Variants in CCER1 observed in about 807,000 individuals in gnomAD.
CCER1 encodes coiled-coil domain-containing glutamate-rich protein 1.
For synonymous variants in CCER1, 246 were observed against 213.8 expected (o/e 1.15, Z -1.31); for missense variants, 573 against 524.5 (o/e 1.09, Z -0.90).
rs374385699 is a variant in CCER1, at chr12:90,954,234, G to T, written c.509C>A (p.Pro170Gln). ...CCACTCATACAGCTTGACCGGCCGC[G>T]GCAGCGTGCTCACATCCGCTGGCGG... Reference protein sequence around the residue: ...RSPPADVSTLPRPVKLYEWRE... With the variant: ...RSPPADVSTLQRPVKLYEWRE... The change falls in exon 1 of 1, where the codon CCG becomes CAG. Residue 170 changes from proline (P) to glutamine (Q), a missense_variant. Coordinates refer to ENST00000358859, the MANE Select transcript of CCER1 (RefSeq NM_152638.4). 1.9e-6 allele frequency: 3 copies of T among 1,606,470 alleles called. No homozygotes were observed. The African/African-American group carries it at 4.0e-5, about 21-fold the overall frequency.
chr12:90,954,454 G>T lies in CCER1; in HGVS notation c.289C>A (p.Pro97Thr). Residue 97 changes from proline to threonine, a missense_variant, in exon 1 of 1, where the codon CCA becomes ACA. Physicochemically the swap from Pro to Thr is conservative, Grantham distance 38. Transcript: ENST00000358859. ...GGGCAGGGGAATTTCCAGAATCCTGGAGGGGGTGGGCGCCAGGGCCCTCCC... is the reference window on the plus strand; with the variant it reads ...GGGCAGGGGAATTTCCAGAATCCTGTAGGGGGTGGGCGCCAGGGCCCTCCC... ...CWGGPWRPPPPGFWKFPCPVQ... is the reference protein window; with the variant it reads ...CWGGPWRPPPTGFWKFPCPVQ... 6.2e-7 allele frequency: 1 copy of T among 1,610,280 alleles called. No individual in the cohort carries two copies. Among genetic ancestry groups the T allele is most frequent in the South Asian group, 1.1e-5 (1 of 90,904 alleles).
chr12:90,954,371 G>A lies in CCER1; in HGVS notation c.372C>T (p.Cys124=). Residue 124 remains cysteine (C), a synonymous_variant, in exon 1 of 1, where the codon TGC becomes TGT. Coordinates refer to ENST00000358859, the MANE Select transcript of CCER1 (RefSeq NM_152638.4). ...AGCCAGGGTTCCAGGACCCGCTCCAGCAGGAGCAGCAGCAAAAGCAGAGAG... is the reference window on the plus strand; with the variant it reads ...AGCCAGGGTTCCAGGACCCGCTCCAACAGGAGCAGCAGCAAAAGCAGAGAG... ...LHPLCFCCCS[C]WSGSWNPGWV... 1 of 1,610,986 alleles carries A rather than the reference G, an allele frequency of 6.2e-7. No individual in the cohort carries two copies. Among genetic ancestry groups the A allele is most frequent in the Non-Finnish European group, 8.5e-7 (1 of 1,179,934 alleles).
At position 90,952,314 on chromosome 12, in the gene CCER1, T is replaced by G. The variant is rs1747835205; in HGVS notation, c.*1208A>C. Reference sequence around the variant, plus strand: ...CATTCAGGTAAGACATCACCACACATTCTTCTCTTCAACAAATAAATGCTA... The same window carrying G: ...CATTCAGGTAAGACATCACCACACAGTCTTCTCTTCAACAAATAAATGCTA... On this transcript the variant is annotated 3_prime_UTR_variant, in exon 1 of 1. Transcript: ENST00000358859. 6.6e-6 allele frequency: 1 copy of G among 152,634 alleles called. No homozygotes were observed. The allele number at this position is 152,634 out of a possible 1,614,324, so 9.5% of individuals were successfully genotyped here. A position where few individuals can be genotyped will look rare whatever the true frequency, so the allele number is the denominator to read the frequency against.
rs1335757339 is a variant in CCER1 at position 90,953,560 on chromosome 12, G to T, written c.1183C>A (p.Gln395Lys). The change falls in exon 1 of 1, where the codon CAG becomes AAG. Residue 395 changes from glutamine to lysine, a missense_variant. Transcript: ENST00000358859. ...NPEQIIPKVP[Q>K]ESLFMAQDFN... The stretch of plus-strand genomic sequence containing the variant: ...TCCTGTGCCATGAACAGGGATTCCT[G>T]TGGCACTTTGGGAATTATCTGCTCT... The T allele has an allele frequency of 1.9e-6, 3 of 1,614,004 alleles. No individual in the cohort carries two copies. Among genetic ancestry groups the T allele is most frequent in the Non-Finnish European group, 2.5e-6 (3 of 1,179,964 alleles).
rs1484068156 is a variant in CCER1, at chr12:90,953,991, T to A, written c.752A>T (p.Tyr251Phe). Residue 251 changes from tyrosine (Y) to phenylalanine (F), a missense_variant, in exon 1 of 1, where the codon TAT becomes TTT. Physicochemically the swap from Tyr to Phe is conservative, Grantham distance 22. Transcript: ENST00000358859. ...TAGAGAGGGATTCTGCACAAAGCCATACAGAGTTTCCTGCAGTCCCCAGGT... is the reference window on the plus strand; with the variant it reads ...TAGAGAGGGATTCTGCACAAAGCCAAACAGAGTTTCCTGCAGTCCCCAGGT... Reference protein sequence around the residue: ...KETWGLQETLYGFVQNPSLAF... With the variant: ...KETWGLQETLFGFVQNPSLAF... 3 of 1,614,202 alleles carry A rather than the reference T, an allele frequency of 1.9e-6. No individual in the cohort carries two copies. The highest frequency in any genetic ancestry group is 2.5e-6 in the Non-Finnish European group (3 of 1,180,038).
Position 90,954,898 on chromosome 12 carries a change from G to A in CCER1, c.-156C>T, listed in dbSNP as rs143256938. ...GGGATCACGTTTTCCTCTCCAGGAG[G>A]CTGCTCTCTTCCTGGTTTGCACGCT... On this transcript the variant is annotated 5_prime_UTR_variant, in exon 1 of 1. Transcript: ENST00000358859. 1 of 1,396,386 alleles carries A rather than the reference G, an allele frequency of 7.2e-7. No individual in the cohort carries two copies. Among genetic ancestry groups the A allele is most frequent in the Non-Finnish European group, 9.5e-7 (1 of 1,051,502 alleles). 86.5% of individuals were successfully genotyped at this position (1,396,386 alleles called of 1,614,324 possible). A position where few individuals can be genotyped will look rare whatever the true frequency, so the allele number is the denominator to read the frequency against.
In CCER1 at chr12:90,954,104, C is replaced by G. The variant is rs78693339; in HGVS notation, c.639G>C (p.Ala213=). The change falls in exon 1 of 1, where the codon GCG becomes GCC. Residue 213 remains alanine (A), a synonymous_variant. Transcript: ENST00000358859. ...QQEKVERQQE[A]LRAQKATVSG... ...TCACCGTGGCCTTCTGCGCCCGCAG[C>G]GCCTCCTGCTGACGCTCCACCTTCT... 3.7e-6 allele frequency: 6 copies of G among 1,612,976 alleles called. No homozygotes were observed. Among genetic ancestry groups the G allele is most frequent in the East Asian group, 2.2e-5 (1 of 44,866 alleles).
In CCER1 at chr12:90,953,598, G is replaced by C. The variant is rs774451656; in HGVS notation, c.1145C>G (p.Thr382Ser). 1 of 1,614,154 alleles carries C rather than the reference G, an allele frequency of 6.2e-7. No individual in the cohort carries two copies. The highest frequency in any genetic ancestry group is 8.5e-7 in the Non-Finnish European group (1 of 1,180,022). ...EEKRENFISCTFLNPEQIIPK... is the reference protein window; with the variant it reads ...EEKRENFISCSFLNPEQIIPK... ...AATTATCTGCTCTGGGTTTAAAAAA[G>C]TGCAGCTTATAAAGTTCTCTCTCTT... The change falls in exon 1 of 1, where the codon ACT (threonine) becomes AGT (serine). Residue 382 changes from threonine to serine, a missense_variant. By Grantham distance (58) the Thr-to-Ser change is moderately conservative. Coordinates refer to ENST00000358859, the MANE Select transcript of CCER1 (RefSeq NM_152638.4).
Position 90,954,689 on chromosome 12 carries a change from G to GCCA in CCER1, c.51_53dup (p.Gly21dup). 1.3e-6 allele frequency: 2 copies of GCCA among 1,575,502 alleles called. No individual in the cohort carries two copies. The highest frequency in any genetic ancestry group is 8.6e-7 in the Non-Finnish European group (1 of 1,161,150). ...CCCAGCCACAGCCACAGCCGCCGCCGCCACCGCCGCCCAGGTTCAGAGGGT... is the reference window on the plus strand; with the variant it reads ...CCCAGCCACAGCCACAGCCGCCGCCGCCACCACCGCCGCCCAGGTTCAGAGGGT... On this transcript the variant is annotated inframe_insertion, in exon 1 of 1. Coordinates refer to ENST00000358859, the MANE Select transcript of CCER1 (RefSeq NM_152638.4).
rs1202021033 is a variant in CCER1 at position 90,953,600 on chromosome 12, G to A, written c.1143C>T (p.Cys381=). The change falls in exon 1 of 1, where the codon TGC becomes TGT. Residue 381 remains cysteine, a synonymous_variant. Coordinates refer to ENST00000358859, the MANE Select transcript of CCER1 (RefSeq NM_152638.4). ...AEEKRENFIS[C]TFLNPEQIIP... ...TTATCTGCTCTGGGTTTAAAAAAGT[G>A]CAGCTTATAAAGTTCTCTCTCTTTT... 16 of 1,614,128 alleles carry A rather than the reference G, an allele frequency of 9.9e-6. No homozygotes were observed. Among genetic ancestry groups the A allele is most frequent in the Non-Finnish European group, 1.4e-5 (16 of 1,180,026 alleles).
chr12:90,954,412 C>T lies in CCER1; in HGVS notation c.331G>A (p.Val111Met). ...AAGCAGAGAGGGTGCAGGCCATACA[C>T]CCGAAACACTTGCACCGGGCAGGGG... ...KFPCPVQVFRVYGLHPLCFCC... is the reference protein window; with the variant it reads ...KFPCPVQVFRMYGLHPLCFCC... Residue 111 changes from valine to methionine, a missense_variant, in exon 1 of 1, where the codon GTG (valine) becomes ATG (methionine). By Grantham distance (21) the Val-to-Met change is conservative. Transcript: ENST00000358859. 2 of 1,612,342 alleles carry T rather than the reference C, an allele frequency of 1.2e-6. No individual in the cohort carries two copies. The highest frequency in any genetic ancestry group is 1.7e-6 in the Non-Finnish European group (2 of 1,179,642).
rs541896912 is a variant in CCER1 at position 90,954,710 on chromosome 12, A to G, written c.33T>C (p.Pro11=). The change falls in exon 1 of 1, where the codon CCT becomes CCC. Residue 11 remains proline (P), a synonymous_variant. Transcript: ENST00000358859. Reference sequence around the variant, plus strand: ...CGCCGCCACCGCCGCCCAGGTTCAGAGGGTCTTCCCTTGTGTCGAGGGTCT... The same window carrying G: ...CGCCGCCACCGCCGCCCAGGTTCAGGGGGTCTTCCCTTGTGTCGAGGGTCT... MTQTLDTRED[P]LNLGGGGGGG... The G allele has an allele frequency of 4.1e-5, 64 of 1,561,010 alleles. 1 individual carries two copies. In the South Asian group the frequency reaches 5.4e-4, roughly 13 times the overall value.
rs200693488 is a variant in CCER1 at position 90,954,515 on chromosome 12, C to A, written c.228G>T (p.Trp76Cys). 6.2e-6 allele frequency: 10 copies of A among 1,611,432 alleles called. No homozygotes were observed. The East Asian group carries it at 2.2e-4, about 36-fold the overall frequency. The change falls in exon 1 of 1, where the codon TGG (tryptophan) becomes TGT (cysteine). Residue 76 changes from tryptophan (W) to cysteine (C), a missense_variant. Trp to Cys is a radical substitution (Grantham distance 215). Coordinates refer to ENST00000358859, the MANE Select transcript of CCER1 (RefSeq NM_152638.4). ...AGTTAGAGCACACGGGTGGTTGGAACCAAAAGCCCGGGCCGTGCTGTTGCT... is the reference window on the plus strand; with the variant it reads ...AGTTAGAGCACACGGGTGGTTGGAAACAAAAGCCCGGGCCGTGCTGTTGCT... The part of the protein sequence containing the change: ...QPKQQHGPGF[W>C]FQPPVCSNWG...
chr12:90,954,389 G>A lies in CCER1; in HGVS notation c.354C>T (p.Cys118=). 6.2e-7 allele frequency: 1 copy of A among 1,612,122 alleles called. No homozygotes were observed. Among genetic ancestry groups the A allele is most frequent in the Non-Finnish European group, 8.5e-7 (1 of 1,179,954 alleles). Reference sequence around the variant, plus strand: ...CGCTCCAGCAGGAGCAGCAGCAAAAGCAGAGAGGGTGCAGGCCATACACCC... The same window carrying A: ...CGCTCCAGCAGGAGCAGCAGCAAAAACAGAGAGGGTGCAGGCCATACACCC... ...VFRVYGLHPL[C]FCCCSCWSGS... The change falls in exon 1 of 1, where the codon TGC becomes TGT. Residue 118 remains cysteine, a synonymous_variant. Coordinates refer to ENST00000358859, the MANE Select transcript of CCER1 (RefSeq NM_152638.4).
Position 90,954,683 on chromosome 12 carries a change from G to A in CCER1, c.60C>T (p.Gly20=). The change falls in exon 1 of 1, where the codon GGC becomes GGT. Residue 20 remains glycine (G), a synonymous_variant. Coordinates refer to ENST00000358859, the MANE Select transcript of CCER1 (RefSeq NM_152638.4). ...AGTGTGCCCAGCCACAGCCACAGCC[G>A]CCGCCGCCACCGCCGCCCAGGTTCA... ...DPLNLGGGGG[G]GCGCGWAHSA... 4 of 1,587,118 alleles carry A rather than the reference G, an allele frequency of 2.5e-6. No homozygotes were observed. The highest frequency in any genetic ancestry group is 3.6e-5 in the Admixed American group (2 of 56,268).
Position 90,954,273 on chromosome 12 carries a change from G to A in CCER1, c.470C>T (p.Ser157Phe), listed in dbSNP as rs1304055911. 1.2e-6 allele frequency: 2 copies of A among 1,602,286 alleles called. No individual in the cohort carries two copies. The highest frequency in any genetic ancestry group is 1.7e-6 in the Non-Finnish European group (2 of 1,178,522). ...ATCCGCTGGCGGGCTCCGCGGGTAG[G>A]AGTGGCGAGGGTGGTGGCGCAGGCC... ...GRGLRHHPRH[S>F]YPRSPPADVS... The change falls in exon 1 of 1, where the codon TCC becomes TTC. Residue 157 changes from serine (S) to phenylalanine (F), a missense_variant. Physicochemically the swap from Ser to Phe is radical, Grantham distance 155. Transcript: ENST00000358859.
In CCER1 at chr12:90,954,559, G is replaced by T; in HGVS notation, c.184C>A (p.Pro62Thr). 1 of 1,613,890 alleles carries T rather than the reference G, an allele frequency of 6.2e-7. No homozygotes were observed. Among genetic ancestry groups the T allele is most frequent in the Non-Finnish European group, 8.5e-7 (1 of 1,179,870 alleles). ...HRYSPKTEYG[P>T]PRKQPKQQHG... ...TGTTGCTTCGGCTGCTTCCTTGGGG[G>T]CCCATACTCGGTCTTGGGGCTATAT... The change falls in exon 1 of 1, where the codon CCC becomes ACC. Residue 62 changes from proline (P) to threonine (T), a missense_variant. Pro to Thr is a conservative substitution (Grantham distance 38). Coordinates refer to ENST00000358859, the MANE Select transcript of CCER1 (RefSeq NM_152638.4).
chr12:90,953,184 C>CA lies in CCER1; in HGVS notation c.*337dup, dbSNP rs760389115. Reference sequence around the variant, plus strand: ...GTGGCCAAGTTGTATAAATTTGTTTCAAAAACAAACGCTTTTTCAGCATTG... The same window carrying CA: ...GTGGCCAAGTTGTATAAATTTGTTTCAAAAAACAAACGCTTTTTCAGCATTG... On this transcript the variant is annotated 3_prime_UTR_variant, in exon 1 of 1. Coordinates refer to ENST00000358859, the MANE Select transcript of CCER1 (RefSeq NM_152638.4). 6 of 225,194 alleles carry CA rather than the reference C, an allele frequency of 2.7e-5. No individual in the cohort carries two copies. The East Asian group carries it at 6.2e-4, about 23-fold the overall frequency. The allele number at this position is 225,194 out of a possible 1,614,324, so 13.9% of individuals were successfully genotyped here.
rs1219326034 is a variant in CCER1, at chr12:90,954,107, C to T, written c.636G>A (p.Glu212=). The T allele has an allele frequency of 2.5e-6, 4 of 1,612,920 alleles. No individual in the cohort carries two copies. The highest frequency in any genetic ancestry group is 2.5e-6 in the Non-Finnish European group (3 of 1,179,972). ...RQQEKVERQQ[E]ALRAQKATVS... ...CCGTGGCCTTCTGCGCCCGCAGCGC[C>T]TCCTGCTGACGCTCCACCTTCTCCT... The change falls in exon 1 of 1, where the codon GAG becomes GAA. Residue 212 remains glutamate, a synonymous_variant. Transcript: ENST00000358859.
Sources: gnomAD v4.1 joint callset for allele counts on GRCh38, gnomAD v4.1.1 for gene constraint, MANE v1.5 for transcripts, NCBI Gene and HGNC (gene_info 2026-07-23, HGNC 2026-07-21) for gene names.